The following KIF17 variants were observed in gnomAD, a reference collection of about 807,000 sequenced individuals.
KIF17 encodes the protein kinesin-like protein KIF17.
KIF17 carries 80 observed loss-of-function variants against 96.8 expected under a neutral mutation model. That is an observed-to-expected ratio of 0.83 (90% confidence interval 0.69 to 1.00). KIF17 has a LOEUF of 1.00. KIF17 is among the 50% of genes least tolerant of loss of function. The pLI is 0.00. For missense variants in KIF17, 1,280 were observed against 1,372.9 expected, an observed-to-expected ratio of 0.93 and a Z score of 1.07; for synonymous variants, 567 against 587.5, an observed-to-expected ratio of 0.97 and a Z score of 0.51.
At chr1:20,689,382 G>A (rs1335523659) in intron 7 of KIF17, among the ~76,000 whole-genome samples, 1 of 152,214 alleles carries the variant, frequency 6.6e-6, no homozygotes, top group Non-Finnish European at 1.5e-5. Flanking sequence ...TGAGTGCAGT[G>A]GCTCATGCCT....
rs776211913 is a variant in KIF17 at position 20,713,506 on chromosome 1, T to C, written c.428A>G (p.Tyr143Cys). 5 of 1,613,242 alleles carry C rather than the reference T, an allele frequency of 3.1e-6. No individual in the cohort carries two copies. The South Asian group carries it at 3.3e-5, about 11-fold the overall frequency. ...FLVRASYLEIYNEDVRDLLGA... is the reference protein window; with the variant it reads ...FLVRASYLEICNEDVRDLLGA... ...AAGGAGGTCCCGGACATCTTCATTG[T>C]AGATCTCCAGGTAGGAGGCCCGGAC... The change falls in exon 3 of 15, where the codon TAC becomes TGC. Residue 143 changes from tyrosine to cysteine, a missense_variant. Physicochemically the swap from Tyr to Cys is radical, Grantham distance 194. Transcript: ENST00000400463.
At chr1:20,701,106 G>A (rs115001432) in intron 5 of KIF17, among the ~76,000 whole-genome samples, 119 of 152,236 alleles carry the variant, frequency 7.8e-4, no homozygotes, top group Middle Eastern at 6.8e-3. Context: ...TCAGTGGCGC[G>A]GATCTCTGTG....
At chr1:20,677,014 C>A (rs952306015) in intron 11 of KIF17, among the ~76,000 whole-genome samples, 1 of 151,832 alleles carries the variant, frequency 6.6e-6, no homozygotes, top group African/African-American at 2.4e-5. Context: ...AGTTTGGGAC[C>A]AGCCTGCGCA....
chr1:20,667,091 C>A (rs1384492038), intron 13 of KIF17, among the ~76,000 whole-genome samples: 2 of 152,168 alleles, frequency 1.3e-5, no homozygotes, highest in East Asian at 3.9e-4. Context: ...ACCCCCAGGC[C>A]ATGGACTGGT....
At position 20,698,469 on chromosome 1, in the gene KIF17, C is replaced by A. The variant is rs533429701; in HGVS notation, c.1143G>T (p.Val381=). 2.5e-6 allele frequency: 4 copies of A among 1,613,190 alleles called. No homozygotes were observed. Among genetic ancestry groups the A allele is most frequent in the East Asian group, 4.5e-5 (2 of 44,868 alleles). ...CCTCCACCTGCACAGGGTCTGGGGG[C>A]ACCTGCCTGGACAGCAGGGCTGGGG... The part of the protein sequence containing the change: ...SSLSALLSRQ[V]PPDPVQVEEK... The change falls in exon 6 of 15, where the codon GTG becomes GTT. Residue 381 remains valine, a synonymous_variant. Coordinates refer to ENST00000400463, the MANE Select transcript of KIF17 (RefSeq NM_001122819.3).
At chr1:20,676,547 G>A (rs570637546) in intron 11 of KIF17, among the ~76,000 whole-genome samples, 30 of 152,264 alleles carry the variant, frequency 2.0e-4, no homozygotes, top group Non-Finnish European at 2.9e-4. Flanking sequence ...AATTAAAATT[G>A]ATGCTGGGCA....
At chr1:20,712,902 T>TATAGATA (rs2054499533) in intron 3 of KIF17, among the ~76,000 whole-genome samples, 4 of 109,402 alleles carry the variant, frequency 3.7e-5, no homozygotes, top group African/African-American at 1.1e-4. Context: ...TAATATTATC[T>TATAGATA]ATATTATATA....
intron 6 of KIF17, chr1:20,693,762 T>G (rs530252513): frequency 6.6e-6 from 1 of 152,408 alleles, no homozygotes; most frequent in African/African-American, 2.4e-5. Flanking sequence ...TGAGGACTCC[T>G]GGGAGACAGC....
chr1:20,692,220 T>C (rs560233252), intron 6 of KIF17, among the ~76,000 whole-genome samples: 2 of 152,320 alleles, frequency 1.3e-5, no homozygotes, highest in African/African-American at 4.8e-5. Flanking sequence ...GCCTTTGCCC[T>C]GCTCCCTGGC....
intron 1 of KIF17, 73 bp downstream of exon 1, chr1:20,717,403 C>T (rs1015004589): frequency 1.5e-5 from 23 of 1,551,654 alleles, no homozygotes; most frequent in South Asian, 3.4e-5. Flanking sequence ...TGGGGGGCAG[C>T]GCAGCCCCCT....
At position 20,717,851 on chromosome 1, in the gene KIF17, ACC is replaced by A. The variant is rs1168855066; in HGVS notation, c.-147_-146del. 5 of 615,810 alleles carry A rather than the reference ACC, an allele frequency of 8.1e-6. No individual in the cohort carries two copies. The highest frequency in any genetic ancestry group is 2.0e-6 in the Non-Finnish European group (1 of 506,868). 38.1% of individuals were successfully genotyped at this position (615,810 alleles called of 1,614,324 possible). On this transcript the variant is annotated 5_prime_UTR_variant, in exon 1 of 15. Coordinates refer to ENST00000400463, the MANE Select transcript of KIF17 (RefSeq NM_001122819.3). ...GGCGGGGCCGCGGCGGGGGGCGGGG[ACC>A]CCTCGGGGGGCGCCCCGGAGGGGAG...
chr1:20,707,553 T>C (rs1164472546), intron 4 of KIF17, among the ~76,000 whole-genome samples: 6 of 152,094 alleles, frequency 3.9e-5, no homozygotes, highest in African/African-American at 1.4e-4. Context: ...GGTGGATTGC[T>C]TGAATCCAGG....
At chr1:20,664,791 A>C (rs141856780) in intron 14 of KIF17, 29 bp from the exon 15 acceptor site, 18,911 of 1,604,040 alleles carry the variant, frequency 0.012, 139 homozygotes, top group Middle Eastern at 0.014. Flanking sequence ...AGGTGCTGGT[A>C]AGCCAGGAGC....
At chr1:20,684,436 T>A (rs2053892991) in intron 10 of KIF17, among the ~76,000 whole-genome samples, 1 of 152,086 alleles carries the variant, frequency 6.6e-6, no homozygotes, top group Non-Finnish European at 1.5e-5. Flanking sequence ...AAAGCCCAGC[T>A]CCCCCGGCGG....
At chr1:20,696,449 G>A (rs2054140562) in intron 6 of KIF17, among the ~76,000 whole-genome samples, 1 of 152,188 alleles carries the variant, frequency 6.6e-6, no homozygotes, top group Non-Finnish European at 1.5e-5. Flanking sequence ...CCTGGTGGCG[G>A]TGGCGTCAGC....
intron 3 of KIF17, among the ~76,000 whole-genome samples, chr1:20,711,966 C>T (rs2054444823): frequency 6.6e-6 from 1 of 152,150 alleles, no homozygotes; most frequent in African/African-American, 2.4e-5. Flanking sequence ...GCCATCTGCA[C>T]ATCCTCCACG....
At chr1:20,665,301 C>T (rs954673964) in intron 14 of KIF17, among the ~76,000 whole-genome samples, 3 of 138,822 alleles carry the variant, frequency 2.2e-5, no homozygotes, top group Non-Finnish European at 4.6e-5. Flanking sequence ...TGTGTCAGCT[C>T]ACTGCAACCT....
Position 20,687,528 on chromosome 1 carries a change from C to T in KIF17, c.1798G>A (p.Glu600Lys), listed in dbSNP as rs768439593. The T allele has an allele frequency of 1.2e-6, 2 of 1,613,320 alleles. No homozygotes were observed. Among genetic ancestry groups the T allele is most frequent in the East Asian group, 2.2e-5 (1 of 44,846 alleles). The change falls in exon 8 of 15, where the codon GAG (glutamate) becomes AAG (lysine). Residue 600 changes from glutamate to lysine, a missense_variant. Transcript: ENST00000400463. The surrounding 1 kb of genome is among the most constrained non-coding windows in gnomAD (Gnocchi z 4.4). ...LGEQNYLPQE[E>K]PQEVPLQGLL... is the part of the protein sequence containing the mutation. ...CCCTGCAGGGGCACCTCCTGCGGCT[C>T]CTCTTGCGGGAGGTAGTTCTGTTCC...
At chr1:20,711,347 CA>C (rs1033755697) in intron 3 of KIF17, among the ~76,000 whole-genome samples, 22 of 152,136 alleles carry the variant, frequency 1.4e-4, no homozygotes, top group African/African-American at 4.8e-4. Context: ...GTGATGGCCT[CA>C]GGGGTCCCCC....
Sources: allele counts gnomAD v4.1 joint callset (sites outside exome capture counted in the v4.1 genomes callset), GRCh38; gene constraint gnomAD v4.1.1; non-coding constraint Gnocchi (gnomAD v3.1); transcripts MANE v1.5; gene names NCBI Gene and HGNC (gene_info 2026-07-23, HGNC 2026-07-21).